GPC5: variants seen among roughly 807,000 people sequenced by gnomAD.
GPC5 encodes glypican-5.
In GPC5, 47 loss-of-function variants were observed where a neutral mutation model predicts 53.9. That is an observed-to-expected ratio of 0.87 (90% CI 0.69 to 1.11). The LOEUF is 1.11. GPC5 is among the 50% of genes most tolerant of loss of function. The pLI is 0.00. For synonymous variants in GPC5, 286 were observed against 263.3 expected (o/e 1.09, Z -0.84); for missense variants, 748 against 713.1 (o/e 1.05, Z -0.56).
chr13:91,665,203 TC>T (rs1438979464), intron 2 of GPC5, among the ~76,000 whole-genome samples: 1 of 152,244 alleles, frequency 6.6e-6, no homozygotes, highest in Non-Finnish European at 1.5e-5. Context: ...CAAAATGCTT[TC>T]AAGGCTTCTC....
In GPC5 at chr13:92,094,861, T is replaced by C. The variant is rs34811478; in HGVS notation, c.1402-49969T>C. Among the ~76,000 whole-genome samples, 122 of 152,212 alleles carry C rather than the reference T, an allele frequency of 8.0e-4. 1 individual carries two copies. The Middle Eastern group carries it at 0.031, about 38-fold the overall frequency. ...ATATTTTAAATATATTACTATATTG[T>C]ATATAGTAATATTGTGTTTCCATTT... is the stretch of plus-strand genomic sequence containing the variant. On this transcript the variant is annotated intron_variant, in intron 6 of 7. Transcript: ENST00000377067.
intron 6 of GPC5, among the ~76,000 whole-genome samples, chr13:92,138,392 C>CA (rs1187954860): frequency 6.6e-6 from 1 of 151,914 alleles, no homozygotes; most frequent in Non-Finnish European, 1.5e-5. Flanking sequence ...TGGTGGTGTG[C>CA]ACCTGTTGTC....
chr13:92,591,327 G>A (rs1049268632), intron 7 of GPC5, among the ~76,000 whole-genome samples: 59 of 152,034 alleles, frequency 3.9e-4, no homozygotes, highest in African/African-American at 1.3e-3. Flanking sequence ...GTGGACCTTG[G>A]GCTTCTGTTG....
At chr13:92,581,605 C>T (rs1213956189) in intron 7 of GPC5, among the ~76,000 whole-genome samples, 2 of 152,040 alleles carry the variant, frequency 1.3e-5, no homozygotes, top group African/African-American at 2.4e-5. Flanking sequence ...ATTACTGGAT[C>T]GTATGTTCTA....
intron 2 of GPC5, among the ~76,000 whole-genome samples, chr13:91,559,692 C>T (rs1469618193): frequency 6.6e-6 from 1 of 152,070 alleles, no homozygotes; most frequent in Non-Finnish European, 1.5e-5. Context: ...ACTGCCTCCT[C>T]CTGTGTCTGA....
intron 7 of GPC5, among the ~76,000 whole-genome samples, chr13:92,418,340 T>C (rs1876408146): frequency 7.0e-6 from 1 of 143,808 alleles, no homozygotes; most frequent in Non-Finnish European, 1.5e-5. Flanking sequence ...GCTCTTATAT[T>C]TTTTAAAAAG....
chr13:91,753,562 C>A (rs577894482), intron 4 of GPC5, among the ~76,000 whole-genome samples: 167 of 152,258 alleles, frequency 1.1e-3, no homozygotes, highest in African/African-American at 3.6e-3. Flanking sequence ...CTTTTCTACT[C>A]CCAAGTTGCT....
intron 7 of GPC5, among the ~76,000 whole-genome samples, chr13:92,270,733 A>G (rs1038613179): frequency 1.3e-5 from 2 of 152,244 alleles, no homozygotes; most frequent in African/African-American, 4.8e-5. Context: ...GCTGTTTCAT[A>G]ATAGAAAATC....
At chr13:91,883,319 T>C (rs2039287439) in intron 5 of GPC5, among the ~76,000 whole-genome samples, 1 of 152,228 alleles carries the variant, frequency 6.6e-6, no homozygotes, top group Non-Finnish European at 1.5e-5. Context: ...AAAGGTCAGA[T>C]AGAATTACTT....
intron 2 of GPC5, among the ~76,000 whole-genome samples, chr13:91,644,193 A>C (rs1436549975): frequency 6.6e-6 from 1 of 152,082 alleles, no homozygotes; most frequent in South Asian, 2.1e-4. Context: ...AATACCTAAC[A>C]CTAATTGAGC....
intron 2 of GPC5, among the ~76,000 whole-genome samples, chr13:91,608,355 A>G (rs1159504337): frequency 6.6e-6 from 1 of 152,242 alleles, no homozygotes; most frequent in Non-Finnish European, 1.5e-5. Context: ...ACAATAGTGA[A>G]CAAGAACAAA....
chr13:91,435,115 C>A (rs1423952909), intron 1 of GPC5, among the ~76,000 whole-genome samples: 1 of 152,198 alleles, frequency 6.6e-6, no homozygotes, highest in African/African-American at 2.4e-5. Context: ...TCTAGATATA[C>A]AATCATGTCA....
At chr13:92,055,967 T>G (rs1448410748) in intron 6 of GPC5, among the ~76,000 whole-genome samples, 1 of 152,176 alleles carries the variant, frequency 6.6e-6, no homozygotes, top group Non-Finnish European at 1.5e-5. Flanking sequence ...TAGTTTAAAT[T>G]TTTTTCTAAA....
chr13:92,618,596 G>A (rs1183742852), intron 7 of GPC5, among the ~76,000 whole-genome samples: 1 of 150,506 alleles, frequency 6.6e-6, no homozygotes, highest in Non-Finnish European at 1.5e-5. Flanking sequence ...CATAAGAAAT[G>A]TTTGCTGATT....
intron 7 of GPC5, among the ~76,000 whole-genome samples, chr13:92,458,989 T>C (rs915092784): frequency 6.6e-6 from 1 of 152,122 alleles, no homozygotes; most frequent in African/African-American, 2.4e-5. Flanking sequence ...ACCCTAATAT[T>C]ATCATTTAAG....
chr13:92,533,493 A>T (rs914220470), intron 7 of GPC5, among the ~76,000 whole-genome samples: 1 of 152,176 alleles, frequency 6.6e-6, no homozygotes, highest in Non-Finnish European at 1.5e-5. Context: ...CTAACATATT[A>T]TGCTGAAACC....
At chr13:92,272,417 C>T (rs1413743815) in intron 7 of GPC5, among the ~76,000 whole-genome samples, 1 of 152,088 alleles carries the variant, frequency 6.6e-6, no homozygotes, top group Non-Finnish European at 1.5e-5. Context: ...AACCATCTAG[C>T]AATGTTTTGA....
At chr13:91,922,022 G>A (rs746267837) in intron 6 of GPC5, among the ~76,000 whole-genome samples, 3 of 152,136 alleles carry the variant, frequency 2.0e-5, no homozygotes, top group Non-Finnish European at 4.4e-5. Flanking sequence ...TAATATGGGT[G>A]AGGAAAAGGA....
Position 92,400,110 on chromosome 13 carries a change from G to A in GPC5, c.1561+255121G>A, listed in dbSNP as rs189736688. ...TTGCTACAGAGTCCGTTTTAAAAAG[G>A]ACTGGAGTAGGAGAATTGGTGTGGA... On this transcript the variant is annotated intron_variant, in intron 7 of 7. Transcript: ENST00000377067. Among the ~76,000 whole-genome samples the A allele has an allele frequency of 3.3e-5, 5 of 152,238 alleles. No homozygotes were observed. In the East Asian group the frequency reaches 7.7e-4, roughly 24 times the overall value.
Sources: allele counts gnomAD v4.1 joint callset (sites outside exome capture counted in the v4.1 genomes callset), GRCh38; gene constraint gnomAD v4.1.1; transcripts MANE v1.5; gene names NCBI Gene and HGNC (gene_info 2026-07-23, HGNC 2026-07-21).